Variants in HMCN2 observed in about 807,000 individuals in gnomAD.
The protein encoded by HMCN2 is hemicentin-2.
In HMCN2, 325 loss-of-function variants were observed where a neutral mutation model predicts 377.5. That is an observed-to-expected ratio of 0.86 (90% CI 0.79 to 0.94). The LOEUF (loss-of-function observed/expected upper bound fraction) is 0.94. Among genes scored for constraint, HMCN2 ranks in the 40% least tolerant of loss-of-function variants. The pLI is 0.00. For synonymous variants in HMCN2, 2,007 were observed against 2,046.8 expected (o/e 0.98, Z 0.53); for missense variants, 4,543 against 4,725.3 (o/e 0.96, Z 1.13).
rs1371947997 is a variant in HMCN2, at chr9:130,368,453, G to A, written c.6787+16G>A. The A allele has an allele frequency of 7.1e-6, 7 of 985,804 alleles. No homozygotes were observed. The highest frequency in any genetic ancestry group is 4.7e-5 in the South Asian group (1 of 21,278). The allele number at this position is 985,804 out of a possible 1,614,324, so 61.1% of individuals were successfully genotyped here. ...GAGGTGCACGGTGGGTGAGCTGGGCGGGGGCTGGAAGGGTCTGGGATCATG... is the reference window on the plus strand; with the variant it reads ...GAGGTGCACGGTGGGTGAGCTGGGCAGGGGCTGGAAGGGTCTGGGATCATG... On this transcript the variant is annotated intron_variant, in intron 44 of 97. Transcript: ENST00000683500.
chr9:130,384,235 G>C, intron 57 of HMCN2, 138 bp from the exon 58 acceptor site: 2 of 612,624 alleles, frequency 3.3e-6, no homozygotes, highest in Non-Finnish European at 2.4e-6. Flanking sequence ...ATGGCAAATG[G>C]AGGTTTCTGA....
rs1214200474 is a variant in HMCN2 at position 130,433,455 on chromosome 9, C to A, written c.15002C>A (p.Ala5001Asp). Residue 5001 changes from alanine (A) to aspartate (D), a missense_variant, in exon 98 of 98, where the codon GCC (alanine) becomes GAC (aspartate). By Grantham distance (126) the Ala-to-Asp change is moderately radical. Around this residue, in one of 5 missense-constraint regions of HMCN2, gnomAD observed 1,155 missense variants for 1,157.7 expected, o/e 1.00. Coordinates refer to ENST00000683500, the MANE Select transcript of HMCN2 (RefSeq NM_001291815.2). Reference sequence around the variant, plus strand: ...GGCGTGCGCGCCCACCACGACGTGGCCCGCCTCACCGCCTTCTCCGAGGTC... The same window carrying A: ...GGCGTGCGCGCCCACCACGACGTGGACCGCCTCACCGCCTTCTCCGAGGTC... Reference protein sequence around the residue: ...PLGVRAHHDVARLTAFSEVGV... With the variant: ...PLGVRAHHDVDRLTAFSEVGV... 1 of 1,499,772 alleles carries A rather than the reference C, an allele frequency of 6.7e-7. No homozygotes were observed. The highest frequency in any genetic ancestry group is 8.8e-7 in the Non-Finnish European group (1 of 1,132,440). The allele number at this position is 1,499,772 out of a possible 1,614,324, so 92.9% of individuals were successfully genotyped here. A position where few individuals can be genotyped will look rare whatever the true frequency, so the allele number is the denominator to read the frequency against.
chr9:130,294,769 G>A (rs1197261052), intron 4 of HMCN2, 86 bp from the exon 5 acceptor site: 2 of 348,632 alleles, frequency 5.7e-6, no homozygotes, highest in East Asian at 9.2e-5. Context: ...GGGCGACCTG[G>A]AAAGTTTGTA....
intron 87 of HMCN2, among the ~76,000 whole-genome samples, chr9:130,424,252 C>T (rs185878160): frequency 1.4e-3 from 204 of 150,818 alleles, no homozygotes; most frequent in Non-Finnish European, 2.4e-3. Context: ...GATCTTGGCT[C>T]ACTGCAAGCT....
intron 15 of HMCN2, among the ~76,000 whole-genome samples, chr9:130,316,381 C>T (rs1837562443): frequency 6.6e-6 from 1 of 151,440 alleles, no homozygotes; most frequent in African/African-American, 2.4e-5. Flanking sequence ...GGGGTGCTGC[C>T]CTGGGCGTGG....
intron 1 of HMCN2, among the ~76,000 whole-genome samples, chr9:130,276,688 G>A (rs1554923236): frequency 2.6e-5 from 4 of 152,210 alleles, no homozygotes. Flanking sequence ...TGGCTCTTGT[G>A]CCATTGTGTC....
At chr9:130,279,919 A>T (rs1248609758) in intron 1 of HMCN2, among the ~76,000 whole-genome samples, 2 of 152,144 alleles carry the variant, frequency 1.3e-5, no homozygotes, top group Non-Finnish European at 2.9e-5. Flanking sequence ...GGTCCTCATA[A>T]GAGGGAGGCA....
chr9:130,354,571 C>T (rs752835775), intron 31 of HMCN2, among the ~76,000 whole-genome samples, 192 bp from the exon 32 acceptor site: 2 of 152,114 alleles, frequency 1.3e-5, no homozygotes, highest in Admixed American at 6.5e-5. Context: ...TGGGGTGGCG[C>T]GCCCAGGGGC....
chr9:130,265,910 T>C lies in HMCN2; in HGVS notation c.32T>C (p.Leu11Pro). The change falls in exon 1 of 98, where the codon CTG becomes CCG. Residue 11 changes from leucine (L) to proline (P), a missense_variant. Physicochemically the swap from Leu to Pro is moderately conservative, Grantham distance 98. Transcript: ENST00000683500. MMPGAPLLRLLTAVSAAVAVA... is the reference protein window; with the variant it reads MMPGAPLLRLPTAVSAAVAVA... Reference sequence around the variant, plus strand: ...CCCGGGGCGCCGCTCCTGCGGCTGCTGACCGCGGTCTCTGCGGCAGTGGCA... The same window carrying C: ...CCCGGGGCGCCGCTCCTGCGGCTGCCGACCGCGGTCTCTGCGGCAGTGGCA... 1 of 379,958 alleles carries C rather than the reference T, an allele frequency of 2.6e-6. No individual in the cohort carries two copies. 23.5% of individuals were successfully genotyped at this position (379,958 alleles called of 1,614,324 possible).
chr9:130,402,258 C>T (rs933665866), intron 77 of HMCN2, among the ~76,000 whole-genome samples: 5 of 152,222 alleles, frequency 3.3e-5, no homozygotes, highest in African/African-American at 4.8e-5. Flanking sequence ...CAGGGGCCCA[C>T]GGAGCACAAT....
intron 15 of HMCN2, among the ~76,000 whole-genome samples, chr9:130,318,014 C>A (rs1205777137): frequency 6.6e-6 from 1 of 152,144 alleles, no homozygotes; most frequent in African/African-American, 2.4e-5. Flanking sequence ...CAAAGCTGCA[C>A]CCCTGGGGGC....
chr9:130,374,380 C>A, intron 48 of HMCN2, 122 bp from the exon 49 acceptor site: 1 of 344,190 alleles, frequency 2.9e-6, no homozygotes, highest in Non-Finnish European at 4.1e-6. Context: ...TCTTGTGCTT[C>A]ATGGGCCTCT....
chr9:130,429,968 G>A, intron 94 of HMCN2: 2 of 604,204 alleles, frequency 3.3e-6, no homozygotes, highest in South Asian at 4.7e-5. Context: ...GAGGACTGTG[G>A]AGGCAAGTGG....
chr9:130,269,429 G>A lies in HMCN2; in HGVS notation c.259+3292G>A, dbSNP rs77913628. ...GTTTTTACGTAGGCTTAAGTTCCTT[G>A]AAGTGGAATTCTAGGCCATTTTTAA... On this transcript the variant is annotated intron_variant, in intron 1 of 97. Coordinates refer to ENST00000683500, the MANE Select transcript of HMCN2 (RefSeq NM_001291815.2). Among the ~76,000 whole-genome samples, 488 of 147,854 alleles carry A rather than the reference G, an allele frequency of 3.3e-3. 16 individuals are homozygous for A. Among genetic ancestry groups the A allele is most frequent in the African/African-American group, 0.011 (460 of 41,168 alleles).
rs1194440061 is a variant in HMCN2 at position 130,373,665 on chromosome 9, GTGGA to G, written c.7438+563_7438+566del. Reference sequence around the variant, plus strand: ...AATGGATAGATGGATAGGTAGGTGGGTGGATGGATGGATGGATGGATGGATAGAT... The same window carrying G: ...AATGGATAGATGGATAGGTAGGTGGGTGGATGGATGGATGGATGGATAGAT... On this transcript the variant is annotated intron_variant, in intron 48 of 97. Coordinates refer to ENST00000683500, the MANE Select transcript of HMCN2 (RefSeq NM_001291815.2). 2.0e-4 allele frequency among the ~76,000 whole-genome samples: 27 copies of G among 136,350 alleles called. 2 individuals are homozygous for G. The highest frequency in any genetic ancestry group is 3.1e-4 in the Admixed American group (4 of 13,058). 89.5% of individuals were successfully genotyped at this position (136,350 alleles called of 152,430 possible).
At chr9:130,419,984 AC>A (rs1251574339) in intron 86 of HMCN2, among the ~76,000 whole-genome samples, 1 of 144,916 alleles carries the variant, frequency 6.9e-6, no homozygotes, top group Non-Finnish European at 1.5e-5. Context: ...CGGTTCTCTG[AC>A]CCCCCAGCCA....
chr9:130,363,722 C>G (rs558032489), intron 40 of HMCN2, among the ~76,000 whole-genome samples: 1 of 151,092 alleles, frequency 6.6e-6, no homozygotes, highest in Non-Finnish European at 1.5e-5. Context: ...ACTCGAAAGG[C>G]TGAAGCAGGA....
intron 22 of HMCN2, among the ~76,000 whole-genome samples, chr9:130,332,608 G>A (rs985682844): frequency 1.1e-4 from 17 of 152,210 alleles, no homozygotes; most frequent in Non-Finnish European, 1.6e-4. Context: ...CGCTGGCTCC[G>A]TCTCCCCCTA....
intron 96 of HMCN2, 92 bp from the exon 97 acceptor site, chr9:130,432,337 C>A: frequency 1.7e-6 from 2 of 1,174,686 alleles, no homozygotes; most frequent in Non-Finnish European, 2.5e-6. Flanking sequence ...CCTCACTGGT[C>A]CCCCAAAGGT....
Sources: allele counts gnomAD v4.1 joint callset (sites outside exome capture counted in the v4.1 genomes callset), GRCh38; gene constraint gnomAD v4.1.1; regional missense constraint gnomAD v4.1.1; transcripts MANE v1.5; gene names NCBI Gene and HGNC (gene_info 2026-07-23, HGNC 2026-07-21).